Variants in NRG1 observed in about 807,000 individuals in gnomAD.
NRG1 encodes neuregulin 1.
A neutral mutation model predicts 63.8 loss-of-function variants in NRG1; 18 were observed. That is an observed-to-expected ratio of 0.28 (90% confidence interval 0.19 to 0.42). The LOEUF is 0.42. Among genes scored for constraint, NRG1 ranks in the 10% least tolerant of loss-of-function variants. The probability of loss-of-function intolerance (pLI) is 1.00; values close to 1 mark genes in which losing one functional copy is unlikely to be tolerated. For missense variants in NRG1, 762 were observed against 814.7 expected (o/e 0.94, Z 0.79); for synonymous variants, 302 against 301.3 (o/e 1.00, Z -0.02).
At position 32,390,602 on chromosome 8, in the gene NRG1, TAAAAAAA is replaced by T. The variant is rs66980062; in HGVS notation, c.38-205215_38-205209del. 2.3e-3 allele frequency among the ~76,000 whole-genome samples: 298 copies of T among 130,674 alleles called. 2 individuals are homozygous for T. The highest frequency in any genetic ancestry group is 8.3e-3 in the African/African-American group (289 of 34,702). 85.7% of individuals were successfully genotyped at this position (130,674 alleles called of 152,430 possible). On this transcript the variant is annotated intron_variant, in intron 1 of 10. Coordinates refer to the NRG1 transcript ENST00000519301. Reference sequence around the variant, plus strand: ...TGGGCAACAGAGCGAGACCCTGTCTTAAAAAAAAAAAAAAAAAGAAGAAGAAGAAGAA... The same window carrying T: ...TGGGCAACAGAGCGAGACCCTGTCTTAAAAAAAAAAGAAGAAGAAGAAGAA...
chr8:32,626,497 GGT>G (rs1294318662), intron 5 of NRG1, among the ~76,000 whole-genome samples: 6 of 151,680 alleles, frequency 4.0e-5, no homozygotes, highest in Non-Finnish European at 8.8e-5. Context: ...TGGCTAACAT[GGT>G]GAAAGCCCAT....
intron 1 of NRG1, among the ~76,000 whole-genome samples, chr8:32,333,675 T>A (rs2129477776): frequency 6.6e-6 from 1 of 152,270 alleles, no homozygotes; most frequent in African/African-American, 2.4e-5. Context: ...TGGTGTAAAA[T>A]AACTAATTAT....
At chr8:32,326,848 A>G (rs1165909280) in intron 1 of NRG1, among the ~76,000 whole-genome samples, 1 of 152,148 alleles carries the variant, frequency 6.6e-6, no homozygotes, top group Non-Finnish European at 1.5e-5. Flanking sequence ...AATTCCATAA[A>G]TAAGAGGTTA....
chr8:32,366,667 GTGTGTGTGTGTATATATA>G (rs1400041953), intron 1 of NRG1, among the ~76,000 whole-genome samples: 2 of 63,916 alleles, frequency 3.1e-5, no homozygotes, highest in Non-Finnish European at 6.1e-5. Context: ...GTGTGTGTGT[GTGTGTGTGTGTATATATA>G]TATATATATA....
intron 1 of NRG1, among the ~76,000 whole-genome samples, chr8:32,508,457 GTT>G (rs34925580): frequency 3.5e-5 from 5 of 143,836 alleles, no homozygotes; most frequent in Admixed American, 6.9e-5. Flanking sequence ...TACCCAGCTA[GTT>G]TTTTTTTTTT....
intron 1 of NRG1, among the ~76,000 whole-genome samples, chr8:31,886,497 G>A (rs1248743035): frequency 6.6e-6 from 1 of 152,118 alleles, no homozygotes; most frequent in Non-Finnish European, 1.5e-5. Flanking sequence ...AAGAGCATGT[G>A]TGATTCCTAG....
At chr8:32,319,931 A>G (rs1801180347) in intron 1 of NRG1, among the ~76,000 whole-genome samples, 1 of 152,168 alleles carries the variant, frequency 6.6e-6, no homozygotes, top group Non-Finnish European at 1.5e-5. Context: ...ATTGTGCATT[A>G]ATGTATGTTT....
chr8:31,825,609 T>A (rs1299200799), intron 1 of NRG1, among the ~76,000 whole-genome samples: 1 of 152,016 alleles, frequency 6.6e-6, no homozygotes, highest in Admixed American at 6.6e-5. Context: ...GTTAAGTAAC[T>A]TGTATAAGAT....
At chr8:32,651,670 A>C (rs946487095) in intron 5 of NRG1, among the ~76,000 whole-genome samples, 4 of 152,068 alleles carry the variant, frequency 2.6e-5, no homozygotes, top group Non-Finnish European at 2.9e-5. Context: ...TTATTATGGG[A>C]TTGTATGACA....
At chr8:32,491,713 A>G (rs1826585648) in intron 1 of NRG1, among the ~76,000 whole-genome samples, 1 of 152,224 alleles carries the variant, frequency 6.6e-6, no homozygotes, top group Admixed American at 6.5e-5. Context: ...TAATGTATTC[A>G]TAGAAATGAG....
chr8:32,738,275 T>G (rs1825578126), intron 6 of NRG1, among the ~76,000 whole-genome samples: 4 of 151,648 alleles, frequency 2.6e-5, no homozygotes, highest in Admixed American at 2.6e-4. Context: ...AGGGAAAGAG[T>G]GATGCCTAAG....
At chr8:31,683,283 T>G (rs1194265685) in intron 1 of NRG1, among the ~76,000 whole-genome samples, 1 of 152,114 alleles carries the variant, frequency 6.6e-6, no homozygotes, top group African/African-American at 2.4e-5. Flanking sequence ...AAAACTTGGA[T>G]GCAACCAAGA....
chr8:31,661,608 CTAAA>C (rs1806000411), intron 1 of NRG1, among the ~76,000 whole-genome samples: 1 of 152,152 alleles, frequency 6.6e-6, no homozygotes, highest in Non-Finnish European at 1.5e-5. Flanking sequence ...CAAATGCACT[CTAAA>C]TAATTAACCA....
intron 11 of NRG1, chr8:32,760,697 G>C: frequency 8.4e-7 from 1 of 1,190,880 alleles, no homozygotes; most frequent in Non-Finnish European, 1.1e-6. Context: ...CATGGGCTCA[G>C]ACCCACTCGG....
At chr8:32,073,919 A>T (rs1826125047) in intron 1 of NRG1, among the ~76,000 whole-genome samples, 2 of 152,150 alleles carry the variant, frequency 1.3e-5, no homozygotes, top group South Asian at 4.1e-4. Flanking sequence ...AATAAATAAT[A>T]TTTTATCCAT....
intron 1 of NRG1, among the ~76,000 whole-genome samples, chr8:32,258,865 C>T (rs144214826): frequency 9.2e-5 from 14 of 152,280 alleles, no homozygotes; most frequent in African/African-American, 3.4e-4. Flanking sequence ...AAAAATCAAA[C>T]ATGGACCATC....
chr8:32,578,858 A>G (rs1840134215), intron 1 of NRG1, among the ~76,000 whole-genome samples: 1 of 152,212 alleles, frequency 6.6e-6, no homozygotes, highest in Admixed American at 6.5e-5. Context: ...AGTATGTCAT[A>G]GAACTATGGT....
chr8:31,930,507 T>C (rs933395655), intron 1 of NRG1, among the ~76,000 whole-genome samples: 1 of 152,224 alleles, frequency 6.6e-6, no homozygotes, highest in Non-Finnish European at 1.5e-5. Context: ...TTAACCATCT[T>C]TGGTGATTGT....
chr8:32,756,443 C>A (rs368296748), exon 9 of NRG1: 1 of 1,613,708 alleles, frequency 6.2e-7, no homozygotes, highest in Non-Finnish European at 8.5e-7. Flanking sequence ...TCGGCAGAGC[C>A]TTCGGTCTGA....
Sources: gnomAD v4.1 joint callset for allele counts (sites outside exome capture counted in the v4.1 genomes callset) on GRCh38, gnomAD v4.1.1 for gene constraint, MANE v1.5 for transcripts, NCBI Gene and HGNC (gene_info 2026-07-23, HGNC 2026-07-21) for gene names.